MED12: variants seen among roughly 807,000 people sequenced by gnomAD.
The protein encoded by MED12 is mediator of RNA polymerase II transcription subunit 12.
Under a neutral mutation model 177.7 loss-of-function variants are expected in MED12, and 10 were observed. That is an observed-to-expected ratio of 0.06 (90% CI 0.03 to 0.10). The LOEUF is 0.10. Ranked by LOEUF, MED12 falls within the 10% of genes least tolerant of loss-of-function variation. The pLI is 1.00. For synonymous variants in MED12, 641 were observed against 678.4 expected, an observed-to-expected ratio of 0.94 and a Z score of 0.86; for missense variants, 867 against 1,780.8, an observed-to-expected ratio of 0.49 and a Z score of 9.23.
In MED12 at chrX:71,134,910, A is replaced by G. The variant is rs2092328382; in HGVS notation, c.4863+62A>G. 5.8e-6 allele frequency: 7 copies of G among 1,197,374 alleles called. No homozygotes were observed. In the South Asian group the frequency reaches 1.1e-4, roughly 18 times the overall value. ...TGGAATCTGCTGTCCAGCCTCAGGA[A>G]CTTGCTTCTGGCTGGAGCCCTCTAC... is the stretch of plus-strand genomic sequence containing the variant. On this transcript the variant is annotated intron_variant, in intron 35 of 44. Coordinates refer to ENST00000374080, the MANE Select transcript of MED12 (RefSeq NM_005120.3).
At position 71,125,728 on chromosome X, in the gene MED12, G is replaced by A; in HGVS notation, c.2422+15G>A. ...GACATTCTTAGGTACCTCACAGTAA[G>A]CCCCATACTGCCCTCCCTCCCTCTC... On this transcript the variant is annotated intron_variant, in intron 17 of 44. Coordinates refer to ENST00000374080, the MANE Select transcript of MED12 (RefSeq NM_005120.3). 1 of 1,184,025 alleles carries A rather than the reference G, an allele frequency of 8.4e-7. No individual in the cohort carries two copies. Among genetic ancestry groups the A allele is most frequent in the Non-Finnish European group, 1.1e-6 (1 of 875,389 alleles).
At chrX:71,129,955 C>T (rs2092312741) in intron 27 of MED12, 80 bp from the exon 28 acceptor site, 1 of 1,175,529 alleles carries the variant, frequency 8.5e-7, no homozygotes, top group South Asian at 1.8e-5. Context: ...ACATTGTGTT[C>T]CTTAACAACT....
In MED12 at chrX:71,127,873, C is replaced by T. The variant is rs773211847; in HGVS notation, c.2982-20C>T. ...CAGGCCTTCTTCAACACTACTATCT[C>T]CTTTCCTCCATCCCTGCAGCGACTT... On this transcript the variant is annotated intron_variant, in intron 21 of 44. Transcript: ENST00000374080. 6 of 1,168,406 alleles carry T rather than the reference C, an allele frequency of 5.1e-6. No homozygotes were observed. Among genetic ancestry groups the T allele is most frequent in the Non-Finnish European group, 5.8e-6 (5 of 856,849 alleles).
At position 71,141,226 on chromosome X, in the gene MED12, A is replaced by G. The variant is rs780580344; in HGVS notation, c.6268-4A>G. 4.3e-6 allele frequency: 5 copies of G among 1,159,062 alleles called. No homozygotes were observed. The African/African-American group carries it at 7.4e-5, about 17-fold the overall frequency. On this transcript the variant is annotated splice_region_variant and splice_polypyrimidine_tract_variant and intron_variant, in intron 42 of 44. Transcript: ENST00000374080. ...CTTCTGAAGTATCTTTTGTGTTCTT[A>G]TAGCAGCAGCAGCAACAGCAACAGC...
Position 71,134,839 on chromosome X carries a change from G to A in MED12, c.4854G>A (p.Lys1618=). 1 of 1,211,585 alleles carries A rather than the reference G, an allele frequency of 8.3e-7. No individual in the cohort carries two copies. ...AGCGTGCATACATGAACCTGGCGAA[G>A]AAGTTGCAGGTAAGCAGAGGAAGCG... is the stretch of plus-strand genomic sequence containing the variant. The part of the protein sequence containing the change: ...ENKRAYMNLA[K]KLQKELGERQ... Residue 1618 remains lysine, a synonymous_variant, in exon 35 of 45, where the codon AAG becomes AAA. Coordinates refer to ENST00000374080, the MANE Select transcript of MED12 (RefSeq NM_005120.3).
At chrX:71,119,933 C>T (rs2092285224) in intron 3 of MED12, 56 bp downstream of exon 3, 2 of 1,201,467 alleles carry the variant, frequency 1.7e-6, no homozygotes, top group African/African-American at 3.5e-5. Context: ...GTACCAAGTA[C>T]CCTCCTATTC....
chrX:71,138,484 G>A (rs971505742), intron 41 of MED12, among the ~76,000 whole-genome samples: 1 of 110,144 alleles, frequency 9.1e-6, no homozygotes, highest in African/African-American at 3.3e-5. Flanking sequence ...ACACCACCAC[G>A]CCCAGCTAAT....
rs1279064664 is a variant in MED12 at position 71,123,644 on chromosome X, C to T, written c.1668C>T (p.Gly556=). The change falls in exon 12 of 45, where the codon GGC becomes GGT. Residue 556 remains glycine (G), a synonymous_variant. Transcript: ENST00000374080. Reference sequence around the variant, plus strand: ...ATGAGAAGGGTTCCATCGCCTCTGGCTCCCTTTCTGCTCCCAGTGCTCCCA... The same window carrying T: ...ATGAGAAGGGTTCCATCGCCTCTGGTTCCCTTTCTGCTCCCAGTGCTCCCA... ...AADEKGSIAS[G]SLSAPSAPIF... 8.3e-7 allele frequency: 1 copy of T among 1,207,291 alleles called. No individual in the cohort carries two copies.
chrX:71,137,303 C>T lies in MED12; in HGVS notation c.5668C>T (p.Pro1890Ser). The change falls in exon 39 of 45, where the codon CCC (proline) becomes TCC (serine). Residue 1890 changes from proline (P) to serine (S), a missense_variant. By Grantham distance (74) the Pro-to-Ser change is moderately conservative (BLOSUM62 -1). Coordinates refer to ENST00000374080, the MANE Select transcript of MED12 (RefSeq NM_005120.3). ...TTMTGVMGLE[P>S]SSYKTSVYRQ... ...CATGACTGGCGTCATGGGTTTAGAA[C>T]CCTCCTCTTATAAGACCTCTGTGTA... 2.5e-6 allele frequency: 3 copies of T among 1,211,833 alleles called. 1 individual carries two copies. Among genetic ancestry groups the T allele is most frequent in the Non-Finnish European group, 3.4e-6 (3 of 895,479 alleles).
rs2092301192 is a variant in MED12 at position 71,125,671 on chromosome X, G to A, written c.2380G>A (p.Ala794Thr). Residue 794 changes from alanine (A) to threonine (T), a missense_variant, in exon 17 of 45, where the codon GCT becomes ACT. Transcript: ENST00000374080. ...RKGTAETDQL[A>T]PIVPLNPGDL... Reference sequence around the variant, plus strand: ...ATTCCCCCCCTCTACAGACCAGCTTGCTCCTATTGTGCCTCTGAATCCTGG... The same window carrying A: ...ATTCCCCCCCTCTACAGACCAGCTTACTCCTATTGTGCCTCTGAATCCTGG... 8.4e-7 allele frequency: 1 copy of A among 1,187,026 alleles called. No homozygotes were observed. Among genetic ancestry groups the A allele is most frequent in the Non-Finnish European group, 1.1e-6 (1 of 888,184 alleles).
In MED12 at chrX:71,137,949, C is replaced by T; in HGVS notation, c.6044+6C>T. The T allele has an allele frequency of 8.3e-7, 1 of 1,205,666 alleles. No individual in the cohort carries two copies. The highest frequency in any genetic ancestry group is 1.8e-5 in the South Asian group (1 of 56,864). On this transcript the variant is annotated splice_donor_region_variant and intron_variant, in intron 41 of 44. Coordinates refer to ENST00000374080, the MANE Select transcript of MED12 (RefSeq NM_005120.3). ...GGACTGACCTCCACTCAAAGGTACC[C>T]AAAGTAGTGGTGAGCTAGGAAGAGA...
Position 71,121,231 on chromosome X carries a change from T to C in MED12, c.735+79T>C, listed in dbSNP as rs2092288613. ...CTGCCAGTAGAGAACAGAATCTGCC[T>C]GCCACCTTGCCCCAGTTGTGGTTCT... On this transcript the variant is annotated intron_variant, in intron 5 of 44. Coordinates refer to ENST00000374080, the MANE Select transcript of MED12 (RefSeq NM_005120.3). 14 of 1,188,661 alleles carry C rather than the reference T, an allele frequency of 1.2e-5. 1 individual carries two copies. In the Admixed American group the frequency reaches 2.8e-4, roughly 24 times the overall value.
Position 71,140,855 on chromosome X carries a change from C to T in MED12, c.6265C>T (p.Arg2089Trp), listed in dbSNP as rs1210702033. Residue 2089 changes from arginine (R) to tryptophan (W), a missense_variant and splice_region_variant, in exon 42 of 45, where the codon CGG (arginine) becomes TGG (tryptophan). Transcript: ENST00000374080. ...IRQQQQQQIL[R>W]QQQQQQQQQQ... ...GCAGCAGCAGCAGCAGCAGATCCTG[C>T]GGGTAAGGCACTGGGATTTCATCTG... 3.3e-6 allele frequency: 4 copies of T among 1,204,683 alleles called. No individual in the cohort carries two copies. The highest frequency in any genetic ancestry group is 3.5e-5 in the African/African-American group (2 of 57,284).
At position 71,119,357 on chromosome X, in the gene MED12, C is replaced by T. The variant is rs2092283487; in HGVS notation, c.100-16C>T. The T allele has an allele frequency of 2.6e-6, 3 of 1,165,957 alleles. No individual in the cohort carries two copies. Among genetic ancestry groups the T allele is most frequent in the Non-Finnish European group, 3.5e-6 (3 of 864,152 alleles). ...CCCTAAGGAAAAAACAACTAAACGC[C>T]GCTTTCCTGCCTCAGGATGAACTGA... On this transcript the variant is annotated splice_polypyrimidine_tract_variant and intron_variant, in intron 1 of 44. Coordinates refer to ENST00000374080, the MANE Select transcript of MED12 (RefSeq NM_005120.3).
intron 5 of MED12, 23 bp from the exon 6 acceptor site, chrX:71,121,304 C>A: frequency 8.4e-7 from 1 of 1,188,814 alleles, no homozygotes; most frequent in Non-Finnish European, 1.1e-6. Context: ...ATAGTCCCCT[C>A]TTCCCTCCCC....
In MED12 at chrX:71,128,466, A is replaced by C. The variant is rs749625903; in HGVS notation, c.3354+26A>C. ...GTGAGACTTGGGGTGGGGTTTTGCT[A>C]GTGGGGCAGTGACCAGGGCAGGGGG... On this transcript the variant is annotated intron_variant, in intron 23 of 44. Transcript: ENST00000374080. 2.5e-6 allele frequency: 3 copies of C among 1,210,395 alleles called. No homozygotes were observed. The Admixed American group carries it at 6.5e-5, about 26-fold the overall frequency.
chrX:71,133,879 C>T (rs2092324917), intron 33 of MED12, among the ~76,000 whole-genome samples: 1 of 110,877 alleles, frequency 9.0e-6, no homozygotes, highest in Non-Finnish European at 1.9e-5. Context: ...GAAACAGAGG[C>T]CTAGAGACGT....
intron 26 of MED12, 22 bp from the exon 27 acceptor site, chrX:71,129,658 A>G (rs73539607): frequency 5.0e-5 from 58 of 1,170,327 alleles, no homozygotes; most frequent in Non-Finnish European, 1.8e-5. Context: ...TGCCCTCCCT[A>G]TCTCCCACCC....
chrX:71,126,902 C>T (rs1326859909), intron 19 of MED12, 67 bp from the exon 20 acceptor site: 4 of 1,117,679 alleles, frequency 3.6e-6, no homozygotes, highest in African/African-American at 3.6e-5. Context: ...AGCGTCCCCA[C>T]AGGAAGGTGG....
Sources: gnomAD v4.1 joint callset for allele counts (sites outside exome capture counted in the v4.1 genomes callset) on GRCh38, gnomAD v4.1.1 for gene constraint, MANE v1.5 for transcripts, NCBI Gene and HGNC (gene_info 2026-07-23, HGNC 2026-07-21) for gene names.